VPS54: variants seen among roughly 807,000 people sequenced by gnomAD.
The protein encoded by VPS54 is VPS54 subunit of GARP complex.
A neutral mutation model predicts 121.5 loss-of-function variants in VPS54; 45 were observed. The observed-to-expected ratio is 0.37, with a 90% CI of 0.29 to 0.47. VPS54 has a LOEUF of 0.47. VPS54 is among the 20% of genes least tolerant of loss of function. The pLI, the probability that VPS54 is intolerant of heterozygous loss-of-function variation, is 0.99. For synonymous variants in VPS54, 371 were observed against 385.8 expected, an observed-to-expected ratio of 0.96 and a Z score of 0.45; for missense variants, 1,090 against 1,131.4, an observed-to-expected ratio of 0.96 and a Z score of 0.52.
At chr2:63,965,477 AAAAAAT>A (rs1559026197) in intron 6 of VPS54, among the ~76,000 whole-genome samples, 3 of 152,230 alleles carry the variant, frequency 2.0e-5, no homozygotes, top group South Asian at 2.1e-4. Flanking sequence ...CTCCGTCTCA[AAAAAAT>A]AAAAATAAAA....
At chr2:63,899,289 G>T (rs1344441020) in intron 21 of VPS54, among the ~76,000 whole-genome samples, 185 bp downstream of exon 21, 1 of 152,160 alleles carries the variant, frequency 6.6e-6, no homozygotes. Flanking sequence ...GTCTGTCACT[G>T]CAAGGAGCAC....
In VPS54 at chr2:63,899,614, T is replaced by A. The variant is rs78226711; in HGVS notation, c.2626-33A>T. The A allele has an allele frequency of 6.2e-3, 9,757 of 1,564,786 alleles. 47 individuals are homozygous for A. Among genetic ancestry groups the A allele is most frequent in the Non-Finnish European group, 8.0e-3 (9,116 of 1,138,902 alleles). The stretch of plus-strand genomic sequence containing the variant: ...GAAAAAATAATGAGAATTATGTTCA[T>A]GTCCTCTGAATTGCATAATGTCTCC... On this transcript the variant is annotated intron_variant, in intron 20 of 22. Coordinates refer to ENST00000272322, the MANE Select transcript of VPS54 (RefSeq NM_016516.3).
At chr2:63,968,871 A>C in intron 5 of VPS54, 86 bp downstream of exon 5, 1 of 1,265,014 alleles carries the variant, frequency 7.9e-7, no homozygotes, top group Non-Finnish European at 1.1e-6. Context: ...GTCAAAAAAA[A>C]AAAAAAGCCA....
intron 5 of VPS54, among the ~76,000 whole-genome samples, chr2:63,968,601 C>A (rs1285476690): frequency 6.6e-6 from 1 of 151,948 alleles, no homozygotes; most frequent in African/African-American, 2.4e-5. Context: ...CGCCTGTAAT[C>A]CCAGCTACTC....
chr2:63,945,045 C>G (rs897512113), intron 9 of VPS54, among the ~76,000 whole-genome samples: 1 of 152,012 alleles, frequency 6.6e-6, no homozygotes, highest in Admixed American at 6.6e-5. Context: ...GGTTACATAC[C>G]CAGAGGAATA....
intron 1 of VPS54, among the ~76,000 whole-genome samples, chr2:63,985,955 GTAA>G (rs1405600730): frequency 6.6e-6 from 1 of 152,004 alleles, no homozygotes. Flanking sequence ...TATCTAAAGG[GTAA>G]GAAACACTGT....
At chr2:64,018,444 T>C (rs1227391955) in intron 1 of VPS54, among the ~76,000 whole-genome samples, 1 of 151,988 alleles carries the variant, frequency 6.6e-6, no homozygotes. Context: ...CTGAAGAAAA[T>C]TATTGCACAA....
At chr2:63,982,986 G>T (rs1364917269) in intron 2 of VPS54, among the ~76,000 whole-genome samples, 3 of 152,090 alleles carry the variant, frequency 2.0e-5, no homozygotes, top group African/African-American at 7.2e-5. Context: ...TAAGGAGTCA[G>T]GAGAATTTGC....
At chr2:63,978,785 A>G (rs1460551750) in intron 3 of VPS54, among the ~76,000 whole-genome samples, 1 of 151,886 alleles carries the variant, frequency 6.6e-6, no homozygotes, top group South Asian at 2.1e-4. Context: ...ACACCCGGCT[A>G]ATTTTTGTAT....
chr2:63,981,564 G>C, intron 3 of VPS54, 82 bp downstream of exon 3: 1 of 1,440,706 alleles, frequency 6.9e-7, no homozygotes, highest in Non-Finnish European at 9.3e-7. Flanking sequence ...AAACATTACT[G>C]GTCAAAAATC....
At chr2:63,940,293 TCA>T (rs1674658528) in intron 11 of VPS54, among the ~76,000 whole-genome samples, 1 of 152,152 alleles carries the variant, frequency 6.6e-6, no homozygotes, top group African/African-American at 2.4e-5. Context: ...CTTGACAGAA[TCA>T]CAAACTTTTT....
intron 6 of VPS54, among the ~76,000 whole-genome samples, chr2:63,965,266 G>A (rs1675940392): frequency 1.3e-5 from 2 of 152,216 alleles, no homozygotes; most frequent in South Asian, 2.1e-4. Flanking sequence ...CATGAGGTCA[G>A]GAGTTCGAGA....
chr2:63,943,114 A>G (rs1352108247), intron 10 of VPS54, among the ~76,000 whole-genome samples: 2 of 151,928 alleles, frequency 1.3e-5, no homozygotes, highest in Non-Finnish European at 1.5e-5. Context: ...TGTAAATATT[A>G]TATGAGTTAA....
chr2:63,926,685 C>T (rs866814668), intron 12 of VPS54, among the ~76,000 whole-genome samples: 5 of 152,182 alleles, frequency 3.3e-5, no homozygotes, highest in South Asian at 2.1e-4. Flanking sequence ...GGCGGGGCAT[C>T]GCCTCACCTG....
chr2:63,989,545 T>A (rs1396425641), intron 1 of VPS54, among the ~76,000 whole-genome samples: 4 of 152,188 alleles, frequency 2.6e-5, no homozygotes, highest in Non-Finnish European at 5.9e-5. Flanking sequence ...GTTCCCCCGA[T>A]ATCTGGTGCC....
chr2:64,017,994 T>G (rs1678788450), intron 1 of VPS54, among the ~76,000 whole-genome samples: 1 of 152,186 alleles, frequency 6.6e-6, no homozygotes, highest in African/African-American at 2.4e-5. Flanking sequence ...TGAAGGTGCT[T>G]TTTCCAATTA....
At chr2:64,009,941 A>C (rs1299029376) in intron 1 of VPS54, among the ~76,000 whole-genome samples, 1 of 151,524 alleles carries the variant, frequency 6.6e-6, no homozygotes, top group Non-Finnish European at 1.5e-5. Flanking sequence ...TTCTGGATTC[A>C]ACTGATTCTC....
rs1258676385 is a variant in VPS54, at chr2:63,962,569, T to C, written c.625-126A>G. 3.3e-6 allele frequency: 4 copies of C among 1,208,904 alleles called. No homozygotes were observed. The African/African-American group carries it at 6.2e-5, about 19-fold the overall frequency. The allele number at this position is 1,208,904 out of a possible 1,614,324, so 74.9% of individuals were successfully genotyped here. A position where few individuals can be genotyped will look rare whatever the true frequency, so the allele number is the denominator to read the frequency against. On this transcript the variant is annotated intron_variant, in intron 6 of 22. Coordinates refer to ENST00000272322, the MANE Select transcript of VPS54 (RefSeq NM_016516.3). ...AAATTCCATTGTGTGAATTGTTTGA[T>C]TGTGAGATCCTTGAAATTGGGCACA...
At chr2:63,931,572 T>C (rs1674204784) in intron 12 of VPS54, among the ~76,000 whole-genome samples, 1 of 152,106 alleles carries the variant, frequency 6.6e-6, no homozygotes, top group Non-Finnish European at 1.5e-5. Flanking sequence ...ACCTGGGCAA[T>C]ACCATTCAGG....
Sources: gnomAD v4.1 joint callset for allele counts (sites outside exome capture counted in the v4.1 genomes callset) on GRCh38, gnomAD v4.1.1 for gene constraint, MANE v1.5 for transcripts, NCBI Gene and HGNC (gene_info 2026-07-23, HGNC 2026-07-21) for gene names.